Variants in APAF1 observed in about 807,000 individuals in gnomAD.
APAF1 encodes apoptotic peptidase activating factor 1.
In APAF1, 91 loss-of-function variants were observed where a neutral mutation model predicts 152.4. The observed-to-expected ratio is 0.60, with a 90% CI of 0.50 to 0.71. The LOEUF (loss-of-function observed/expected upper bound fraction) is 0.71. APAF1 is among the 30% of genes least tolerant of loss of function. The pLI is 0.00. For missense variants in APAF1, 1,283 were observed against 1,472.0 expected (o/e 0.87, Z 2.10); for synonymous variants, 484 against 494.1 (o/e 0.98, Z 0.27).
intron 24 of APAF1, 46 bp downstream of exon 24, chr12:98,723,810 A>G: frequency 3.1e-6 from 5 of 1,594,960 alleles, no homozygotes; most frequent in Non-Finnish European, 4.3e-6. Flanking sequence ...GGTAGTGGTT[A>G]TGTATAATGA....
chr12:98,663,376 C>G (rs1254029711), intron 7 of APAF1, among the ~76,000 whole-genome samples: 1 of 152,062 alleles, frequency 6.6e-6, no homozygotes. Context: ...CCCAGTAAAA[C>G]AATTTTTTAA....
intron 13 of APAF1, among the ~76,000 whole-genome samples, chr12:98,679,853 A>G (rs1421449959): frequency 6.6e-6 from 1 of 152,264 alleles, no homozygotes; most frequent in East Asian, 1.9e-4. Flanking sequence ...GCTGGACCCC[A>G]CGCTCACTCA....
chr12:98,732,133 G>A (rs1385650421), intron 26 of APAF1, among the ~76,000 whole-genome samples: 1 of 152,130 alleles, frequency 6.6e-6, no homozygotes. Flanking sequence ...TGCTGTAATG[G>A]ACTCTATAGC....
intron 13 of APAF1, among the ~76,000 whole-genome samples, chr12:98,679,322 G>A (rs1035007167): frequency 5.9e-5 from 9 of 152,028 alleles, no homozygotes; most frequent in African/African-American, 2.2e-4. Flanking sequence ...GCTGATAGCT[G>A]AACACTTGTC....
In APAF1 at chr12:98,715,421, T is replaced by A. The variant is rs2097733670; in HGVS notation, c.2959-6T>A. The A allele has an allele frequency of 6.2e-7, 1 of 1,613,158 alleles. No individual in the cohort carries two copies. Among genetic ancestry groups the A allele is most frequent in the African/African-American group, 1.3e-5 (1 of 74,892 alleles). ...TCTTAATTTTCTGTGTTTTTCTGCT[T>A]TGAAGATTTTAGAACTTGTAAACAA... is the stretch of plus-strand genomic sequence containing the variant. On this transcript the variant is annotated splice_polypyrimidine_tract_variant and splice_region_variant and intron_variant, in intron 21 of 26. Coordinates refer to ENST00000551964, the MANE Select transcript of APAF1 (RefSeq NM_181861.2).
chr12:98,646,142 T>A (rs934816838), intron 1 of APAF1, among the ~76,000 whole-genome samples: 4 of 152,262 alleles, frequency 2.6e-5, no homozygotes, highest in Admixed American at 6.5e-5. Flanking sequence ...CATATTTTAG[T>A]TTAACAGGAC....
chr12:98,649,123 A>G, intron 3 of APAF1: 8 of 711,858 alleles, frequency 1.1e-5, no homozygotes, highest in Non-Finnish European at 1.4e-5. Context: ...TTTATAGGAA[A>G]AAATAAGAAT....
intron 19 of APAF1, 126 bp downstream of exon 19, chr12:98,706,736 A>C (rs1164146636): frequency 9.0e-7 from 1 of 1,117,268 alleles, no homozygotes; most frequent in East Asian, 2.4e-5. Context: ...ATTCCTATTC[A>C]CCCTGGAAAA....
chr12:98,723,323 G>A lies in APAF1; in HGVS notation c.3204+11G>A. ...GATGGAACAGTGAAGGTAATTTAAAGTATAAATTTGTTTTTTGAAAAAGTA... is the reference window on the plus strand; with the variant it reads ...GATGGAACAGTGAAGGTAATTTAAAATATAAATTTGTTTTTTGAAAAAGTA... On this transcript the variant is annotated intron_variant, in intron 23 of 26. Transcript: ENST00000551964. The A allele has an allele frequency of 1.2e-6, 2 of 1,611,976 alleles. No homozygotes were observed. Among genetic ancestry groups the A allele is most frequent in the Non-Finnish European group, 1.7e-6 (2 of 1,178,646 alleles).
rs767385385 is a variant in APAF1, at chr12:98,671,632, G to A, written c.1706G>A (p.Cys569Tyr). 2 of 1,614,036 alleles carry A rather than the reference G, an allele frequency of 1.2e-6. No homozygotes were observed. The highest frequency in any genetic ancestry group is 1.7e-6 in the Non-Finnish European group (2 of 1,180,006). The change falls in exon 12 of 27, where the codon TGT becomes TAT. Residue 569 changes from cysteine (C) to tyrosine (Y), a missense_variant. Physicochemically the swap from Cys to Tyr is radical, Grantham distance 194. Transcript: ENST00000551964. Reference protein sequence around the residue: ...PFPNIVQLGLCEPETSEVYQQ... With the variant: ...PFPNIVQLGLYEPETSEVYQQ... ...CCTAATATTGTACAACTGGGTCTCT[G>A]TGAGCCGGAAACTTCAGAAGTTTAT...
Position 98,714,527 on chromosome 12 carries a change from A to C in APAF1, c.2959-900A>C, listed in dbSNP as rs375699480. Among the ~76,000 whole-genome samples the C allele has an allele frequency of 1.8e-4, 28 of 152,346 alleles. No individual in the cohort carries two copies. In the East Asian group the frequency reaches 5.4e-3, roughly 29 times the overall value. The stretch of plus-strand genomic sequence containing the variant: ...TTTCCACAATTTTCATAAAATCAGT[A>C]AGTGGCAGAGCTAGGATTCAAACCC... On this transcript the variant is annotated intron_variant, in intron 21 of 26. Coordinates refer to ENST00000551964, the MANE Select transcript of APAF1 (RefSeq NM_181861.2).
At chr12:98,667,024 G>A (rs2097673741) in intron 9 of APAF1, among the ~76,000 whole-genome samples, 3 of 151,510 alleles carry the variant, frequency 2.0e-5, no homozygotes. Context: ...TGATGTTAAT[G>A]TTGATAATTT....
chr12:98,686,759 G>A lies in APAF1; in HGVS notation c.2190G>A (p.Leu730=), dbSNP rs1441905632. 5 of 1,613,386 alleles carry A rather than the reference G, an allele frequency of 3.1e-6. No individual in the cohort carries two copies. The Admixed American group carries it at 5.0e-5, about 16-fold the overall frequency. Residue 730 remains leucine (L), a synonymous_variant, in exon 16 of 27, where the codon TTG becomes TTA. Transcript: ENST00000551964. ...TCTTTCACAAATAGCTTTGGGATTT[G>A]AATCAAAAAGAATGTCGAAATACCA... ...SSDCFLKLWD[L]NQKECRNTMF...
chr12:98,646,414 C>T (rs2097640536), intron 1 of APAF1, among the ~76,000 whole-genome samples: 1 of 152,220 alleles, frequency 6.6e-6, no homozygotes, highest in South Asian at 2.1e-4. Flanking sequence ...GGCAAATGCC[C>T]TACGTCCGTC....
chr12:98,696,430 T>G (rs2097709964), intron 16 of APAF1, among the ~76,000 whole-genome samples: 1 of 152,198 alleles, frequency 6.6e-6, no homozygotes, highest in Non-Finnish European at 1.5e-5. Flanking sequence ...TTCATCTGTT[T>G]ATGAGGGATC....
rs570685568 is a variant in APAF1 at position 98,662,451 on chromosome 12, A to G, written c.711-5A>G. On this transcript the variant is annotated splice_polypyrimidine_tract_variant and splice_region_variant and intron_variant, in intron 5 of 26. Coordinates refer to ENST00000551964, the MANE Select transcript of APAF1 (RefSeq NM_181861.2). ...TTAGTGATTAATATTTTTTTTTTAA[A>G]TTAGGTCTCTCTTGATCTTGGATGA... 5.6e-6 allele frequency: 9 copies of G among 1,601,946 alleles called. No homozygotes were observed. In the Admixed American group the frequency reaches 1.2e-4, roughly 21 times the overall value.
intron 16 of APAF1, among the ~76,000 whole-genome samples, chr12:98,691,988 A>G (rs2097704728): frequency 6.6e-6 from 1 of 152,114 alleles, no homozygotes; most frequent in Non-Finnish European, 1.5e-5. Context: ...ACTTCCTGCT[A>G]GTTGTTGTCA....
chr12:98,699,191 C>G (rs1049160557), intron 16 of APAF1, among the ~76,000 whole-genome samples: 11 of 152,098 alleles, frequency 7.2e-5, no homozygotes, highest in Non-Finnish European at 1.5e-4. Flanking sequence ...ATTTTATGTT[C>G]TGCATTTTGG....
intron 10 of APAF1, among the ~76,000 whole-genome samples, chr12:98,669,575 A>G (rs958781332): frequency 6.6e-6 from 1 of 152,084 alleles, no homozygotes; most frequent in Non-Finnish European, 1.5e-5. Flanking sequence ...TTTTCATGTC[A>G]TTTATATAGA....
Sources: allele counts gnomAD v4.1 joint callset (sites outside exome capture counted in the v4.1 genomes callset), GRCh38; gene constraint gnomAD v4.1.1; transcripts MANE v1.5; gene names NCBI Gene and HGNC (gene_info 2026-07-23, HGNC 2026-07-21).